PCDHGA9: variants seen among roughly 807,000 people sequenced by gnomAD.
PCDHGA9 encodes protocadherin gamma subfamily A, 9.
PCDHGA9 carries 37 observed loss-of-function variants against 62.5 expected under a neutral mutation model. The observed-to-expected ratio is 0.59, with a 90% CI of 0.46 to 0.78. The LOEUF is 0.78. Ranked by LOEUF, PCDHGA9 falls within the 30% of genes least tolerant of loss-of-function variation. The pLI, the probability that PCDHGA9 is intolerant of heterozygous loss-of-function variation, is 0.00. For synonymous variants in PCDHGA9, 459 were observed against 484.6 expected (o/e 0.95, Z 0.69); for missense variants, 1,138 against 1,166.2 (o/e 0.98, Z 0.35).
intron 1 of PCDHGA9, among the ~76,000 whole-genome samples, chr5:141,475,215 T>C (rs768665396): frequency 2.6e-5 from 4 of 152,176 alleles, no homozygotes; most frequent in Non-Finnish European, 5.9e-5. Flanking sequence ...AAAGGATTGA[T>C]CAAGTAAAGG....
In PCDHGA9 at chr5:141,403,617, G is replaced by C; in HGVS notation, c.665G>C (p.Arg222Pro). Residue 222 changes from arginine (R) to proline (P), a missense_variant, in exon 1 of 4, where the codon CGC becomes CCC. Arg to Pro is a moderately radical substitution (Grantham distance 103). Coordinates refer to ENST00000573521, the MANE Select transcript of PCDHGA9 (RefSeq NM_018921.3). ...LTASDGGEPR[R>P]SSTVRIHVTV... ...GCCTCGGATGGCGGCGAGCCGCGTC[G>C]CTCCAGCACAGTGCGCATCCATGTG... The C allele has an allele frequency of 6.2e-7, 1 of 1,613,856 alleles. No individual in the cohort carries two copies. Among genetic ancestry groups the C allele is most frequent in the Non-Finnish European group, 8.5e-7 (1 of 1,179,888 alleles).
In PCDHGA9 at chr5:141,405,177, G is replaced by C. The variant is rs370032217; in HGVS notation, c.2225G>C (p.Gly742Ala). The change falls in exon 1 of 4, where the codon GGT becomes GCT. Residue 742 changes from glycine to alanine, a missense_variant. Physicochemically the swap from Gly to Ala is moderately conservative, Grantham distance 60 (BLOSUM62 0). Coordinates refer to ENST00000573521, the MANE Select transcript of PCDHGA9 (RefSeq NM_018921.3). ...LAGVPTSHFV[G>A]VDGVRAFLQT... Reference sequence around the variant, plus strand: ...GGTGTGCCCACCTCACACTTTGTGGGTGTAGATGGGGTTCGAGCTTTCCTA... The same window carrying C: ...GGTGTGCCCACCTCACACTTTGTGGCTGTAGATGGGGTTCGAGCTTTCCTA... 1.6e-5 allele frequency: 26 copies of C among 1,614,140 alleles called. No homozygotes were observed. The highest frequency in any genetic ancestry group is 2.0e-5 in the Non-Finnish European group (24 of 1,180,024).
At position 141,420,872 on chromosome 5, in the gene PCDHGA9, G is replaced by A. The variant is rs575322685; in HGVS notation, c.2424+15496G>A. 3.3e-5 allele frequency among the ~76,000 whole-genome samples: 5 copies of A among 152,328 alleles called. No homozygotes were observed. The East Asian group carries it at 7.7e-4, about 24-fold the overall frequency. On this transcript the variant is annotated intron_variant, in intron 1 of 3. Coordinates refer to ENST00000573521, the MANE Select transcript of PCDHGA9 (RefSeq NM_018921.3). ...AAAGTTTTAACGTCACATAATGTAA[G>A]TATTGTGTATCATCGTTTTTAAGCT...
At chr5:141,506,923 C>T (rs1414595306) in intron 3 of PCDHGA9, among the ~76,000 whole-genome samples, 4 of 152,184 alleles carry the variant, frequency 2.6e-5, no homozygotes, top group African/African-American at 9.7e-5. Context: ...ACATACTAAA[C>T]AAACTTTAGG....
intron 1 of PCDHGA9, chr5:141,478,018 C>G: frequency 6.2e-7 from 1 of 1,614,124 alleles, no homozygotes; most frequent in Non-Finnish European, 8.5e-7. Flanking sequence ...CCCGTCCAGT[C>G]CAAGACACAG....
At position 141,426,439 on chromosome 5, in the gene PCDHGA9, G is replaced by C. The variant is rs149215795; in HGVS notation, c.2424+21063G>C. On this transcript the variant is annotated intron_variant, in intron 1 of 3. Transcript: ENST00000573521. ...GGGCTCCGTGGTGGGGAACCTTGCG[G>C]AGGACATGCGGCTGCATGTTCAGGA... 7.8e-4 allele frequency: 237 copies of C among 302,398 alleles called. 1 individual carries two copies. The highest frequency in any genetic ancestry group is 4.6e-3 in the African/African-American group (214 of 46,260). The allele number at this position is 302,398 out of a possible 1,614,324, so 18.7% of individuals were successfully genotyped here.
chr5:141,478,454 A>T, intron 1 of PCDHGA9: 1 of 1,613,596 alleles, frequency 6.2e-7, no homozygotes. Flanking sequence ...TGGTGCAGCC[A>T]GTCCACTGGC....
intron 1 of PCDHGA9, among the ~76,000 whole-genome samples, chr5:141,475,732 C>T (rs2099367914): frequency 6.6e-6 from 1 of 152,248 alleles, no homozygotes; most frequent in Non-Finnish European, 1.5e-5. Context: ...GCTGGCTTTC[C>T]CTAAGGTAGG....
intron 2 of PCDHGA9, among the ~76,000 whole-genome samples, chr5:141,501,200 G>A (rs888856586): frequency 1.3e-5 from 2 of 151,854 alleles, no homozygotes; most frequent in African/African-American, 4.8e-5. Context: ...AATTCAGGGT[G>A]TTGTCAGGGT....
intron 1 of PCDHGA9, chr5:141,442,120 C>G (rs766641164): frequency 6.0e-6 from 1 of 165,340 alleles, no homozygotes; most frequent in Admixed American, 6.5e-5. Flanking sequence ...CCCTCGTCGC[C>G]GACAGCCTGC....
intron 1 of PCDHGA9, chr5:141,411,163 C>T (rs1001422146): frequency 6.6e-6 from 1 of 152,132 alleles, no homozygotes; most frequent in African/African-American, 2.4e-5. Context: ...TTCTGACTAT[C>T]GAACAGAAGC....
At chr5:141,419,301 T>G in intron 1 of PCDHGA9, 6 of 1,613,998 alleles carry the variant, frequency 3.7e-6, no homozygotes, top group Non-Finnish European at 5.1e-6. Context: ...GACCCAGACT[T>G]CGGGCTCAAC....
intron 1 of PCDHGA9, chr5:141,414,963 G>T (rs2095808106): frequency 1.1e-5 from 17 of 1,614,006 alleles, no homozygotes; most frequent in Non-Finnish European, 1.4e-5. Context: ...CCAAGGTGGT[G>T]GCGGTGGACA....
At position 141,476,753 on chromosome 5, in the gene PCDHGA9, G is replaced by C; in HGVS notation, c.2425-18054G>C. On this transcript the variant is annotated intron_variant, in intron 1 of 3. Coordinates refer to ENST00000573521, the MANE Select transcript of PCDHGA9 (RefSeq NM_018921.3). This position sits in a 1 kb window ranked among gnomAD's most constrained non-coding sequence, Gnocchi z 7.6. Reference sequence around the variant, plus strand: ...AGAACGGGAGCCTAGTCTCCAGTTAGTGCTGACGGCGTTGGACGGAGGGAC... The same window carrying C: ...AGAACGGGAGCCTAGTCTCCAGTTACTGCTGACGGCGTTGGACGGAGGGAC... 3.1e-6 allele frequency: 5 copies of C among 1,614,012 alleles called. No individual in the cohort carries two copies. The highest frequency in any genetic ancestry group is 4.2e-6 in the Non-Finnish European group (5 of 1,180,030).
chr5:141,443,392 T>C (rs151260637), intron 1 of PCDHGA9, among the ~76,000 whole-genome samples: 1,653 of 151,736 alleles, frequency 0.011, 7 homozygotes, highest in Middle Eastern at 0.038. Flanking sequence ...GGCTGAGGTG[T>C]GAGGATCACC....
intron 1 of PCDHGA9, chr5:141,418,184 G>A: frequency 6.2e-7 from 1 of 1,614,096 alleles, no homozygotes; most frequent in Non-Finnish European, 8.5e-7. Flanking sequence ...ATTGGAAGCT[G>A]TGGTGGAAAA....
intron 1 of PCDHGA9, chr5:141,441,530 A>T (rs2154559371): frequency 5.8e-6 from 1 of 172,118 alleles, no homozygotes; most frequent in Non-Finnish European, 1.2e-5. Flanking sequence ...GCCAAGAACA[A>T]TCTTCCCAAA....
chr5:141,499,054 TGAA>T (rs2099789231), intron 2 of PCDHGA9, among the ~76,000 whole-genome samples: 1 of 150,820 alleles, frequency 6.6e-6, no homozygotes, highest in Non-Finnish European at 1.5e-5. Context: ...GGAGAAAAAA[TGAA>T]GAAGACTTAC....
chr5:141,408,203 A>G (rs1299661641), intron 1 of PCDHGA9: 2 of 1,550,806 alleles, frequency 1.3e-6, no homozygotes, highest in African/African-American at 1.4e-5. Flanking sequence ...CGAGCGAACG[A>G]TGGGAGGGAG....
Sources: gnomAD v4.1 joint callset for allele counts (sites outside exome capture counted in the v4.1 genomes callset) on GRCh38, gnomAD v4.1.1 for gene constraint, Gnocchi (gnomAD v3.1) non-coding constraint, MANE v1.5 for transcripts, NCBI Gene and HGNC (gene_info 2026-07-23, HGNC 2026-07-21) for gene names.